SOD2: variants seen among roughly 807,000 people sequenced by gnomAD.
SOD2 encodes the protein superoxide dismutase 2, also known as superoxide dismutase [Mn], mitochondrial.
In SOD2, 11 loss-of-function variants were observed where a neutral mutation model predicts 27.0. That is an observed-to-expected ratio of 0.41 (90% CI 0.26 to 0.67). The LOEUF (loss-of-function observed/expected upper bound fraction) is 0.67, where lower values mean the gene tolerates loss of function less well. Among genes scored for constraint, SOD2 ranks in the 30% least tolerant of loss-of-function variants. The pLI, the probability that SOD2 is intolerant of heterozygous loss-of-function variation, is 0.34. For synonymous variants in SOD2, 105 were observed against 103.0 expected, an observed-to-expected ratio of 1.02 and a Z score of -0.12; for missense variants, 250 against 274.5, an observed-to-expected ratio of 0.91 and a Z score of 0.63.
At chr6:159,753,330 G>T in intron 1 of SOD2, 1 of 1,264,582 alleles carries the variant, frequency 7.9e-7, no homozygotes, top group Admixed American at 2.2e-5. Context: ...AAAAGAAGAT[G>T]GTAATTATGG....
intron 1 of SOD2, among the ~76,000 whole-genome samples, chr6:159,701,398 AT>A (rs377293039): frequency 3.9e-5 from 6 of 152,280 alleles, no homozygotes; most frequent in South Asian, 2.1e-4. Flanking sequence ...TAAAGAACAT[AT>A]ATTTTTTAAA....
chr6:159,714,545 T>G (rs9355747), intron 1 of SOD2, among the ~76,000 whole-genome samples: 40,937 of 152,132 alleles, frequency 0.27, 5,582 homozygotes, highest in East Asian at 0.41. Context: ...AGCCTCTAGA[T>G]GTTTTGCTCG....
intron 1 of SOD2, among the ~76,000 whole-genome samples, chr6:159,719,421 A>G (rs1777986592): frequency 6.6e-6 from 1 of 151,988 alleles, no homozygotes; most frequent in Admixed American, 6.6e-5. Context: ...CCAGCTACTC[A>G]GGCTGCTGAG....
intron 1 of SOD2, chr6:159,736,263 A>G (rs1158059307): frequency 6.2e-7 from 1 of 1,602,786 alleles, no homozygotes; most frequent in East Asian, 2.2e-5. Context: ...TTTAGGATTC[A>G]AGATGACCAA....
chr6:159,753,388 C>T (rs763446119), intron 1 of SOD2: 1 of 1,593,204 alleles, frequency 6.3e-7, no homozygotes, highest in Non-Finnish European at 8.6e-7. Context: ...TTACATCTAT[C>T]ACTGTAATAA....
Position 159,699,560 on chromosome 6 carries a change from GA to G in SOD2, c.-115-6698del, listed in dbSNP as rs879752018. 4.5e-3 allele frequency among the ~76,000 whole-genome samples: 656 copies of G among 144,372 alleles called. 5 individuals carry two copies. Among genetic ancestry groups the G allele is most frequent in the African/African-American group, 0.016 (620 of 39,560 alleles). The allele number at this position is 144,372 out of a possible 152,430, so 94.7% of individuals were successfully genotyped here. ...CCTCTTCCCCATTACTACTCCACGAGAAAAAAAAAAACAAACATGGTCACTG... is the reference window on the plus strand; with the variant it reads ...CCTCTTCCCCATTACTACTCCACGAGAAAAAAAAAACAAACATGGTCACTG... On this transcript the variant is annotated intron_variant, in intron 1 of 2. Transcript: ENST00000401980.
chr6:159,685,283 C>T (rs1780137458), intron 3 of SOD2, among the ~76,000 whole-genome samples: 1 of 112,888 alleles, frequency 8.9e-6, no homozygotes, highest in Admixed American at 1.3e-4. Flanking sequence ...ACTCTTGTTG[C>T]CCAGGCTGGA....
intron 3 of SOD2, 71 bp downstream of exon 3, chr6:159,688,055 A>G: frequency 1.1e-6 from 1 of 871,756 alleles, no homozygotes; most frequent in Non-Finnish European, 1.9e-6. Flanking sequence ...GTATAAGGTA[A>G]CTTCAGTAAA....
intron 2 of SOD2, 32 bp downstream of exon 2, chr6:159,692,629 G>C: frequency 6.2e-7 from 1 of 1,610,312 alleles, no homozygotes; most frequent in Non-Finnish European, 8.5e-7. Flanking sequence ...CTCTGCCGGG[G>C]ACTGCCTCCC....
intron 1 of SOD2, among the ~76,000 whole-genome samples, chr6:159,723,586 C>T (rs1778081863): frequency 1.3e-5 from 2 of 152,184 alleles, no homozygotes; most frequent in Admixed American, 6.5e-5. Context: ...CAGATGTGCT[C>T]ACTGTTACTG....
At chr6:159,742,271 T>C (rs1355597751) in intron 1 of SOD2, 2 of 731,494 alleles carry the variant, frequency 2.7e-6, no homozygotes, top group Admixed American at 3.2e-5. Context: ...GAACTGTACA[T>C]AGGCACTGTG....
intron 1 of SOD2, among the ~76,000 whole-genome samples, chr6:159,737,170 C>T (rs1290476082): frequency 2.0e-5 from 3 of 152,110 alleles, no homozygotes; most frequent in Admixed American, 6.5e-5. Context: ...ACCTCGGCCT[C>T]CTGAGTATCT....
intron 1 of SOD2, among the ~76,000 whole-genome samples, chr6:159,717,094 T>C (rs368048286): frequency 6.6e-6 from 1 of 152,172 alleles, no homozygotes; most frequent in Non-Finnish European, 1.5e-5. Context: ...GGAAATTACA[T>C]GCAAAAGGTG....
intron 1 of SOD2, among the ~76,000 whole-genome samples, chr6:159,735,256 A>T (rs1030228772): frequency 6.6e-6 from 1 of 152,134 alleles, no homozygotes. Flanking sequence ...TTCCTGCCTC[A>T]GTCTCCCTAG....
intron 1 of SOD2, among the ~76,000 whole-genome samples, chr6:159,733,239 T>C (rs1326214972): frequency 1.1e-4 from 16 of 152,232 alleles, no homozygotes. Flanking sequence ...ACAGAGTGAC[T>C]TGCTCAGTGA....
chr6:159,701,954 C>T (rs990412609), intron 1 of SOD2, among the ~76,000 whole-genome samples: 2 of 152,166 alleles, frequency 1.3e-5, no homozygotes, highest in African/African-American at 4.8e-5. Flanking sequence ...TACACAGCTG[C>T]TTTTCTCTCA....
At position 159,684,946 on chromosome 6, in the gene SOD2, C is replaced by A. The variant is rs774302022; in HGVS notation, c.431G>T (p.Gly144Val). ...KLTAASVGVQ[G>V]SGWGWLGFNK... is the part of the protein sequence containing the mutation. The stretch of plus-strand genomic sequence containing the variant: ...GAAACCAAGCCAACCCCAACCTGAG[C>A]CTTGGACACCAACAGATGCAGCCGT... Residue 144 changes from glycine to valine, a missense_variant, in exon 4 of 5, where the codon GGC (glycine) becomes GTC (valine). Physicochemically the swap from Gly to Val is moderately radical, Grantham distance 109. Coordinates refer to ENST00000538183, the MANE Select transcript of SOD2 (RefSeq NM_000636.4). 6.2e-7 allele frequency: 1 copy of A among 1,613,754 alleles called. No homozygotes were observed. Among genetic ancestry groups the A allele is most frequent in the Admixed American group, 1.7e-5 (1 of 59,980 alleles).
At chr6:159,746,710 C>T (rs374326210), upstream of SOD2, among the ~76,000 whole-genome samples, 33 of 152,228 alleles carry the variant, frequency 2.2e-4, no homozygotes, top group Admixed American at 8.5e-4. Context: ...TTTTTGTTCA[C>T]CTCAGTGGTA....
chr6:159,762,229 G>C, exon 1 of SOD2: 1 of 1,463,964 alleles, frequency 6.8e-7, no homozygotes, highest in Non-Finnish European at 9.1e-7. Flanking sequence ...TAGGAGAGGG[G>C]CGTATGTGGA....
Sources: allele counts gnomAD v4.1 joint callset (sites outside exome capture counted in the v4.1 genomes callset), GRCh38; gene constraint gnomAD v4.1.1; transcripts MANE v1.5; gene names NCBI Gene and HGNC (gene_info 2026-07-23, HGNC 2026-07-21).